CCDC191: variants seen among roughly 807,000 people sequenced by gnomAD.
The protein encoded by CCDC191 is coiled-coil domain containing 191.
In CCDC191, 99 loss-of-function variants were observed where a neutral mutation model predicts 114.0. The observed-to-expected ratio is 0.87, with a 90% CI of 0.74 to 1.03. The LOEUF is 1.03. Ranked by LOEUF, CCDC191 falls within the 50% of genes least tolerant of loss-of-function variation. The pLI, the probability that CCDC191 is intolerant of heterozygous loss-of-function variation, is 0.00. For missense variants in CCDC191, 973 were observed against 1,087.0 expected, an observed-to-expected ratio of 0.90 and a Z score of 1.47; for synonymous variants, 351 against 376.0, an observed-to-expected ratio of 0.93 and a Z score of 0.77.
At chr3:114,001,563 A>T (rs2075856531) in intron 13 of CCDC191, 32 bp downstream of exon 13, 1 of 1,612,398 alleles carries the variant, frequency 6.2e-7, no homozygotes, top group Admixed American at 1.7e-5. Context: ...AAACCTCAAG[A>T]TACAGGGACT....
intron 16 of CCDC191, among the ~76,000 whole-genome samples, chr3:113,975,305 G>A (rs1941229837): frequency 1.3e-5 from 2 of 152,138 alleles, no homozygotes; most frequent in South Asian, 4.1e-4. Flanking sequence ...GCAGCTTAAA[G>A]GTCAGGCTTA....
intron 16 of CCDC191, 40 bp downstream of exon 16, chr3:113,978,146 G>T: frequency 6.2e-7 from 1 of 1,607,666 alleles, no homozygotes; most frequent in Non-Finnish European, 8.5e-7. Context: ...GAGCAATTGT[G>T]AAGTCAGAGA....
At chr3:114,020,293 A>G (rs1332381349) in intron 7 of CCDC191, among the ~76,000 whole-genome samples, 1 of 152,120 alleles carries the variant, frequency 6.6e-6, no homozygotes, top group Non-Finnish European at 1.5e-5. Context: ...GACCAATAAC[A>G]TAAGAGAGCA....
chr3:114,005,432 G>C, intron 10 of CCDC191, 76 bp downstream of exon 10: 5 of 1,376,514 alleles, frequency 3.6e-6, no homozygotes, highest in Non-Finnish European at 5.0e-6. Flanking sequence ...CTCAGAAGCA[G>C]GGCAAAGAAG....
At chr3:114,041,345 T>C (rs569866407) in intron 4 of CCDC191, among the ~76,000 whole-genome samples, 1 of 152,308 alleles carries the variant, frequency 6.6e-6, no homozygotes, top group East Asian at 1.9e-4. Flanking sequence ...ATATGAGTGG[T>C]CAAATATGGT....
intron 13 of CCDC191, among the ~76,000 whole-genome samples, chr3:113,983,566 C>G (rs2075248480): frequency 6.6e-6 from 1 of 152,116 alleles, no homozygotes; most frequent in Non-Finnish European, 1.5e-5. Context: ...CTGCTTCCAC[C>G]AACTATACCA....
At chr3:114,018,470 C>T (rs1367808458) in intron 8 of CCDC191, among the ~76,000 whole-genome samples, 9 of 151,914 alleles carry the variant, frequency 5.9e-5, no homozygotes, top group Admixed American at 1.3e-4. Context: ...CCACTGCTCC[C>T]GGCTAGCACA....
intron 7 of CCDC191, among the ~76,000 whole-genome samples, chr3:114,020,841 A>G (rs929358056): frequency 7.9e-5 from 12 of 152,174 alleles, no homozygotes; most frequent in African/African-American, 2.9e-4. Context: ...CCATCTTGAT[A>G]ATAATAACAC....
At chr3:114,020,005 T>G (rs990666410) in intron 7 of CCDC191, among the ~76,000 whole-genome samples, 2 of 152,192 alleles carry the variant, frequency 1.3e-5, no homozygotes, top group African/African-American at 4.8e-5. Flanking sequence ...ATGGTAAATC[T>G]GACAGTGGCA....
chr3:113,995,395 A>G (rs2075692283), intron 13 of CCDC191, among the ~76,000 whole-genome samples: 1 of 152,204 alleles, frequency 6.6e-6, no homozygotes, highest in African/African-American at 2.4e-5. Context: ...GTTAAAAGCC[A>G]TAGCACTGTA....
Position 113,980,693 on chromosome 3 carries a change from TC to T in CCDC191, c.2263del (p.Glu755SerfsTer6). 1 of 1,608,976 alleles carries T rather than the reference TC, an allele frequency of 6.2e-7. No individual in the cohort carries two copies. The highest frequency in any genetic ancestry group is 8.5e-7 in the Non-Finnish European group (1 of 1,178,634). On this transcript the variant is annotated frameshift_variant, in exon 14 of 17. Transcript: ENST00000295878. LOFTEE classifies it high-confidence loss of function. ...TTGCATTCTCAATCTCTTCCAAGGC[TC>T]TAGACCTTTTTTCCTTAGCAAGACC... ...ERVLLRKKGL[E>X]PWKRLRMQSK... is the part of the protein sequence containing the mutation.
chr3:113,978,958 C>T lies in CCDC191; in HGVS notation c.2360G>A (p.Trp787Ter). ...LFLQRKYMLT[W>*]FQRSQESLAR... ...CAGACTTTCCTGACTACGCTGGAAC[C>T]ACGTCAGCATGTATTTCCTCTGCAG... Residue 787 changes from tryptophan (W) to a stop codon, truncating the protein, a stop_gained, in exon 15 of 17, where the codon TGG becomes TAG. Transcript: ENST00000295878. LOFTEE classifies it high-confidence loss of function. The T allele has an allele frequency of 6.2e-7, 1 of 1,614,014 alleles. No homozygotes were observed. Among genetic ancestry groups the T allele is most frequent in the South Asian group, 1.1e-5 (1 of 91,080 alleles).
intron 13 of CCDC191, among the ~76,000 whole-genome samples, chr3:113,985,110 A>C (rs2075304482): frequency 6.6e-6 from 1 of 152,212 alleles, no homozygotes; most frequent in Admixed American, 6.5e-5. Context: ...CCTGGGGATC[A>C]CAGTCATGGG....
chr3:114,006,591 T>TAC (rs1208984295), intron 9 of CCDC191, among the ~76,000 whole-genome samples: 2 of 129,704 alleles, frequency 1.5e-5, no homozygotes, highest in Non-Finnish European at 3.2e-5. Context: ...ACTCCAGATA[T>TAC]ATATATATAT....
chr3:114,024,817 T>A (rs2076296892), intron 7 of CCDC191, among the ~76,000 whole-genome samples: 1 of 152,204 alleles, frequency 6.6e-6, no homozygotes, highest in Non-Finnish European at 1.5e-5. Flanking sequence ...AACCTGCACG[T>A]TGTGCACATG....
At chr3:114,001,815 T>C (rs866200873) in intron 12 of CCDC191, 119 bp from the exon 13 acceptor site, 1 of 1,238,862 alleles carries the variant, frequency 8.1e-7, no homozygotes. Context: ...GGAAGAAGTC[T>C]GCATTTTGTG....
chr3:114,003,161 G>C, intron 11 of CCDC191: 1 of 985,366 alleles, frequency 1.0e-6, no homozygotes, highest in Non-Finnish European at 1.2e-6. Context: ...TTCTTGACAG[G>C]CTATTAAATA....
intron 13 of CCDC191, among the ~76,000 whole-genome samples, chr3:113,995,676 G>C (rs1490942317): frequency 6.6e-6 from 1 of 152,158 alleles, no homozygotes; most frequent in African/African-American, 2.4e-5. Flanking sequence ...GGTATTTCTG[G>C]TTCTAGATCC....
intron 8 of CCDC191, among the ~76,000 whole-genome samples, chr3:114,014,521 A>G (rs939610790): frequency 6.6e-6 from 1 of 152,150 alleles, no homozygotes; most frequent in African/African-American, 2.4e-5. Context: ...CCTATTTTCA[A>G]TTCAGCCTCA....
Sources: gnomAD v4.1 joint callset for allele counts (sites outside exome capture counted in the v4.1 genomes callset) on GRCh38, gnomAD v4.1.1 for gene constraint, MANE v1.5 for transcripts, NCBI Gene and HGNC (gene_info 2026-07-23, HGNC 2026-07-21) for gene names.